MCTP1: variants seen among roughly 807,000 people sequenced by gnomAD.
MCTP1 encodes the protein multiple C2 and transmembrane domain containing 1.
Under a neutral mutation model 120.6 loss-of-function variants are expected in MCTP1, and 69 were observed. That is an observed-to-expected ratio of 0.57 (90% CI 0.47 to 0.70). The LOEUF (loss-of-function observed/expected upper bound fraction) is 0.70, where lower values mean the gene tolerates loss of function less well. Among genes scored for constraint, MCTP1 ranks in the 30% least tolerant of loss-of-function variants. MCTP1 has a pLI of 0.00. For missense variants in MCTP1, 1,203 were observed against 1,248.8 expected, an observed-to-expected ratio of 0.96 and a Z score of 0.55; for synonymous variants, 529 against 493.1, an observed-to-expected ratio of 1.07 and a Z score of -0.96.
At chr5:94,897,850 G>A (rs1453418357) in intron 10 of MCTP1, among the ~76,000 whole-genome samples, 2 of 152,042 alleles carry the variant, frequency 1.3e-5, no homozygotes, top group African/African-American at 2.4e-5. Context: ...CCTCAAGGAG[G>A]CCCCAGTGTC....
At chr5:94,708,883 C>T (rs1367431129) in intron 21 of MCTP1, 1 of 272,932 alleles carries the variant, frequency 3.7e-6, no homozygotes, top group Admixed American at 4.7e-5. Context: ...TTTTTTCCCC[C>T]TGTGTTACAG....
At chr5:95,211,231 G>T (rs1292360289) in intron 1 of MCTP1, among the ~76,000 whole-genome samples, 1 of 152,126 alleles carries the variant, frequency 6.6e-6, no homozygotes, top group East Asian at 1.9e-4. Flanking sequence ...TGCCTTGCTA[G>T]ATTGGGGAAG....
At chr5:95,025,454 G>C (rs1839087107) in intron 1 of MCTP1, among the ~76,000 whole-genome samples, 1 of 152,174 alleles carries the variant, frequency 6.6e-6, no homozygotes, top group East Asian at 1.9e-4. Flanking sequence ...ATACTCAAAA[G>C]TTTGGGGGCT....
chr5:95,184,223 T>C (rs77796908), intron 1 of MCTP1, among the ~76,000 whole-genome samples: 4,997 of 152,196 alleles, frequency 0.033, 160 homozygotes, highest in African/African-American at 0.079. Flanking sequence ...CCCAAAGGTA[T>C]AGAATCTCCA....
chr5:95,225,241 G>A (rs916384803), intron 1 of MCTP1, among the ~76,000 whole-genome samples: 16 of 152,124 alleles, frequency 1.1e-4, no homozygotes, highest in African/African-American at 3.9e-4. Context: ...CCACTTACTG[G>A]CTACCATTTT....
chr5:95,141,547 G>A (rs184652977), intron 1 of MCTP1, among the ~76,000 whole-genome samples: 1 of 152,286 alleles, frequency 6.6e-6, no homozygotes, highest in East Asian at 1.9e-4. Context: ...GTCCTAGATA[G>A]TTTCATTGTG....
intron 2 of MCTP1, among the ~76,000 whole-genome samples, chr5:94,974,106 T>A (rs555162267): frequency 6.6e-6 from 1 of 152,182 alleles, no homozygotes; most frequent in South Asian, 2.1e-4. Context: ...TACTTAACAA[T>A]CTGAAAACTT....
intron 1 of MCTP1, among the ~76,000 whole-genome samples, chr5:95,022,330 A>C (rs1207645609): frequency 1.3e-5 from 2 of 152,190 alleles, no homozygotes; most frequent in African/African-American, 2.4e-5. Context: ...AACAGAATAG[A>C]ACTTACACTT....
At chr5:95,106,088 T>A (rs1223351812) in intron 1 of MCTP1, among the ~76,000 whole-genome samples, 6 of 152,210 alleles carry the variant, frequency 3.9e-5, no homozygotes, top group African/African-American at 1.4e-4. Flanking sequence ...TTTGTAACAT[T>A]TCCCTGACAT....
intron 1 of MCTP1, among the ~76,000 whole-genome samples, chr5:95,235,301 AAAAAG>A (rs1252184301): frequency 2.0e-5 from 3 of 151,778 alleles, no homozygotes; most frequent in Non-Finnish European, 4.4e-5. Flanking sequence ...AACAAATAAT[AAAAAG>A]AAACTCCCTC....
rs1230691269 is a variant in MCTP1, at chr5:94,706,605, G to GTATT, written c.*887_*890dup. On this transcript the variant is annotated 3_prime_UTR_variant, in exon 23 of 23. Coordinates refer to ENST00000515393, the MANE Select transcript of MCTP1 (RefSeq NM_024717.7). The stretch of plus-strand genomic sequence containing the variant: ...TTTTTTTTTCTCTGAGAGCACTTGA[G>GTATT]TATTTATTAAAATATTTTTAGATGC... 6.1e-5 allele frequency: 9 copies of GTATT among 147,520 alleles called. No individual in the cohort carries two copies. The South Asian group carries it at 1.5e-3, about 24-fold the overall frequency. 9.1% of individuals were successfully genotyped at this position (147,520 alleles called of 1,614,324 possible). A position where few individuals can be genotyped will look rare whatever the true frequency, so the allele number is the denominator to read the frequency against.
intron 1 of MCTP1, among the ~76,000 whole-genome samples, chr5:95,061,932 G>C (rs1213285462): frequency 6.6e-6 from 1 of 152,116 alleles, no homozygotes; most frequent in East Asian, 1.9e-4. Flanking sequence ...AAGGGTTAGG[G>C]CCTGGGCTTT....
chr5:94,867,366 A>C, intron 17 of MCTP1: 1 of 1,531,168 alleles, frequency 6.5e-7, no homozygotes, highest in Non-Finnish European at 8.7e-7. Flanking sequence ...GACATTAATG[A>C]AAGTCCCATA....
Position 94,779,025 on chromosome 5 carries a change from A to G in MCTP1, c.2610+85T>C. 2.4e-6 allele frequency: 3 copies of G among 1,242,790 alleles called. No homozygotes were observed. In the East Asian group the frequency reaches 7.0e-5, roughly 29 times the overall value. The allele number at this position is 1,242,790 out of a possible 1,614,324, so 77.0% of individuals were successfully genotyped here. ...CAATTTTCTGGACTCAAACACTTCA[A>G]CTCCTTTTTTAACTGTCTGTGAAAA... On this transcript the variant is annotated intron_variant, in intron 19 of 22. Coordinates refer to ENST00000515393, the MANE Select transcript of MCTP1 (RefSeq NM_024717.7).
chr5:94,860,841 C>T (rs1319936119), intron 17 of MCTP1, among the ~76,000 whole-genome samples: 2 of 149,378 alleles, frequency 1.3e-5, no homozygotes, highest in Non-Finnish European at 3.0e-5. Flanking sequence ...TTTAATTTCT[C>T]TCAAGTGAAA....
At chr5:95,160,107 T>C (rs1745554739) in intron 1 of MCTP1, among the ~76,000 whole-genome samples, 1 of 152,204 alleles carries the variant, frequency 6.6e-6, no homozygotes, top group Admixed American at 6.5e-5. Flanking sequence ...GGCAGAAATT[T>C]TGATGCCCTC....
intron 10 of MCTP1, among the ~76,000 whole-genome samples, chr5:94,907,286 G>T (rs1290297733): frequency 6.6e-6 from 1 of 152,164 alleles, no homozygotes; most frequent in African/African-American, 2.4e-5. Flanking sequence ...AGGCAACCTT[G>T]CTAATTTAGG....
intron 19 of MCTP1, among the ~76,000 whole-genome samples, chr5:94,776,963 A>C (rs1422076376): frequency 6.6e-6 from 1 of 152,178 alleles, no homozygotes; most frequent in Non-Finnish European, 1.5e-5. Flanking sequence ...TCTTCCCTCT[A>C]TTATTCAAGC....
At chr5:95,147,307 C>T (rs926909201) in intron 1 of MCTP1, among the ~76,000 whole-genome samples, 18 of 152,186 alleles carry the variant, frequency 1.2e-4, no homozygotes, top group South Asian at 2.1e-4. Context: ...AGGATGGTCT[C>T]GATCTCCTGA....
Sources: gnomAD v4.1 joint callset for allele counts (sites outside exome capture counted in the v4.1 genomes callset) on GRCh38, gnomAD v4.1.1 for gene constraint, MANE v1.5 for transcripts, NCBI Gene and HGNC (gene_info 2026-07-23, HGNC 2026-07-21) for gene names.